Variants in CA4 observed in about 807,000 individuals in gnomAD.
The protein encoded by CA4 is CA-IV.
In CA4, 24 loss-of-function variants were observed where a neutral mutation model predicts 34.5. The observed-to-expected ratio is 0.70, with a 90% CI of 0.50 to 0.98. CA4 has a LOEUF of 0.98. CA4 is among the 50% of genes least tolerant of loss of function. CA4 has a pLI of 0.00. For synonymous variants in CA4, 178 were observed against 170.6 expected (o/e 1.04, Z -0.34); for missense variants, 394 against 396.7 (o/e 0.99, Z 0.06).
intron 6 of CA4, 67 bp downstream of exon 6, chr17:60,158,194 G>C: frequency 6.2e-7 from 1 of 1,605,646 alleles, no homozygotes; most frequent in African/African-American, 1.3e-5. Context: ...GGAAGGGGTG[G>C]GTGTGCGGGG....
chr17:60,175,516 C>T (rs748662854), downstream of CA4, among the ~76,000 whole-genome samples: 43 of 150,268 alleles, frequency 2.9e-4, no homozygotes, highest in Non-Finnish European at 6.1e-4. Flanking sequence ...CTGCAGTGAG[C>T]CATGATTACC....
rs563335203 is a variant in CA4 at position 60,156,575 on chromosome 17, G to T, written c.128G>T (p.Gly43Val). 2.3e-5 allele frequency: 37 copies of T among 1,614,220 alleles called. 2 individuals carry two copies. The South Asian group carries it at 3.5e-4, about 15-fold the overall frequency. ...NYPCLVPVKW[G>V]GNCQKDRQSP... ...CCCTGCTCAGTGCCAGTCAAGTGGG[G>T]TGGAAACTGCCAGAAGGACCGCCAG... The change falls in exon 3 of 8, where the codon GGT (glycine) becomes GTT (valine). Residue 43 changes from glycine (G) to valine (V), a missense_variant. Physicochemically the swap from Gly to Val is moderately radical, Grantham distance 109 (BLOSUM62 -3). Transcript: ENST00000300900.
At chr17:60,177,965 C>T in the CA4 span, among the ~76,000 whole-genome samples, 4 of 151,606 alleles carry the variant, frequency 2.6e-5, no homozygotes, top group East Asian at 1.9e-4. Context: ...AAAAACTACA[C>T]GAAAAAAATG....
At chr17:60,168,571 C>T (rs1211839784) in intron 5 of CA4, among the ~76,000 whole-genome samples, 18 of 123,882 alleles carry the variant, frequency 1.5e-4, no homozygotes, top group African/African-American at 3.1e-4. Flanking sequence ...TTTTTTTTTT[C>T]GGTGGGGAGG....
At position 60,156,321 on chromosome 17, in the gene CA4, C is replaced by G. The variant is rs73990657; in HGVS notation, c.113-239C>G. Among the ~76,000 whole-genome samples, 1,011 of 152,298 alleles carry G rather than the reference C, an allele frequency of 6.6e-3. 14 individuals are homozygous for G. The highest frequency in any genetic ancestry group is 0.023 in the African/African-American group (953 of 41,570). On this transcript the variant is annotated intron_variant, in intron 2 of 7. Coordinates refer to ENST00000300900, the MANE Select transcript of CA4 (RefSeq NM_000717.5). ...TTGGCAACCCTGTTCCCACCCTGTT[C>G]CACACTGGGGCTAGACTCCCCAGCC...
chr17:60,166,768 G>GT (rs2083859899), intron 5 of CA4, among the ~76,000 whole-genome samples: 1 of 152,056 alleles, frequency 6.6e-6, no homozygotes, highest in African/African-American at 2.4e-5. Context: ...GACCAGCCTG[G>GT]CCACATGGCG....
downstream of CA4, among the ~76,000 whole-genome samples, chr17:60,159,698 G>T (rs1245823800): frequency 1.3e-5 from 2 of 152,144 alleles, no homozygotes; most frequent in Non-Finnish European, 2.9e-5. Context: ...CGTTCTATGT[G>T]AATTCCGTGT....
In CA4 at chr17:60,158,295, C is replaced by T. The variant is rs766830149; in HGVS notation, c.593C>T (p.Thr198Met). The T allele has an allele frequency of 7.4e-6, 12 of 1,614,116 alleles. No individual in the cohort carries two copies. In the African/African-American group the frequency reaches 1.1e-4, roughly 14 times the overall value. ...SNIPKPEMST[T>M]MAESSLLDLL... Reference sequence around the variant, plus strand: ...GCCCCTATCTCAGAGATGAGCACTACGATGGCAGAGAGCAGCCTGTTGGAC... The same window carrying T: ...GCCCCTATCTCAGAGATGAGCACTATGATGGCAGAGAGCAGCCTGTTGGAC... The change falls in exon 7 of 8, where the codon ACG becomes ATG. Residue 198 changes from threonine (T) to methionine (M), a missense_variant. Coordinates refer to ENST00000300900, the MANE Select transcript of CA4 (RefSeq NM_000717.5).
At chr17:60,169,895 C>CT (rs534437193) in intron 5 of CA4, among the ~76,000 whole-genome samples, 46 of 152,322 alleles carry the variant, frequency 3.0e-4, no homozygotes, top group Non-Finnish European at 5.7e-4. Flanking sequence ...CTTTCTCTTT[C>CT]TTTTTTTCTG....
In CA4 at chr17:60,150,175, C is replaced by T. The variant is rs2083563665; in HGVS notation, c.58+83C>T. The T allele has an allele frequency of 1.4e-5, 17 of 1,187,754 alleles. No homozygotes were observed. The Admixed American group carries it at 2.0e-4, about 14-fold the overall frequency. 73.6% of individuals were successfully genotyped at this position (1,187,754 alleles called of 1,614,324 possible). On this transcript the variant is annotated intron_variant, in intron 1 of 7. Transcript: ENST00000300900. ...CTCCCGCCCCTGCAGAGGATCCCCC[C>T]GCGGGCGACCGGTGAGCGTCGGTGG...
Position 60,150,027 on chromosome 17 carries a change from C to T in CA4, c.-8C>T. On this transcript the variant is annotated 5_prime_UTR_variant, in exon 1 of 8. Coordinates refer to ENST00000300900, the MANE Select transcript of CA4 (RefSeq NM_000717.5). ...CCCGGCTCAGAGGACTCTTTGCTGT[C>T]CCGCAAGATGCGGATGCTGCTGGCG... is the stretch of plus-strand genomic sequence containing the variant. 6.2e-7 allele frequency: 1 copy of T among 1,602,136 alleles called. No homozygotes were observed. The highest frequency in any genetic ancestry group is 1.7e-5 in the Admixed American group (1 of 59,902).
At chr17:60,176,452 A>T in the CA4 span, among the ~76,000 whole-genome samples, 1 of 151,878 alleles carries the variant, frequency 6.6e-6, no homozygotes, top group Non-Finnish European at 1.5e-5. Context: ...TCTCCCAGAC[A>T]GACGACTAGG....
At chr17:60,163,193 G>A (rs779780950), downstream of CA4, among the ~76,000 whole-genome samples, 10 of 151,512 alleles carry the variant, frequency 6.6e-5, no homozygotes, top group Non-Finnish European at 8.8e-5. Flanking sequence ...GCCCAGAGTC[G>A]TGGGGGCTGT....
intron 1 of CA4, among the ~76,000 whole-genome samples, chr17:60,154,336 C>G (rs1413063432): frequency 6.6e-6 from 1 of 152,032 alleles, no homozygotes; most frequent in Non-Finnish European, 1.5e-5. Flanking sequence ...CCCCAAGGCC[C>G]TATGAGGTGG....
downstream of CA4, chr17:60,159,689 G>T: frequency 1.7e-6 from 1 of 585,006 alleles, no homozygotes; most frequent in Non-Finnish European, 3.1e-6. Context: ...CCCCACTCCC[G>T]TTCTATGTGA....
chr17:60,158,183 A>G, intron 6 of CA4, 56 bp downstream of exon 6: 1 of 1,587,304 alleles, frequency 6.3e-7, no homozygotes, highest in Non-Finnish European at 8.7e-7. Flanking sequence ...CCTCCCACAA[A>G]GGAAGGGGTG....
At chr17:60,169,931 C>T (rs2083897799) in intron 5 of CA4, among the ~76,000 whole-genome samples, 1 of 152,168 alleles carries the variant, frequency 6.6e-6, no homozygotes, top group African/African-American at 2.4e-5. Flanking sequence ...TGGATTGAGG[C>T]CTAACATTTC....
intron 1 of CA4, among the ~76,000 whole-genome samples, chr17:60,154,255 T>TG (rs1349472551): frequency 2.2e-4 from 6 of 26,722 alleles, no homozygotes; most frequent in African/African-American, 4.4e-4. Context: ...GTGGGAGGGG[T>TG]GGGGGGGAGG....
At chr17:60,171,876 C>T (rs1444750385), downstream of CA4, among the ~76,000 whole-genome samples, 2 of 152,184 alleles carry the variant, frequency 1.3e-5, no homozygotes, top group African/African-American at 2.4e-5. Context: ...GGAACCGAGG[C>T]GCGGACAAGG....
Sources: gnomAD v4.1 joint callset for allele counts (sites outside exome capture counted in the v4.1 genomes callset) on GRCh38, gnomAD v4.1.1 for gene constraint, MANE v1.5 for transcripts, NCBI Gene and HGNC (gene_info 2026-07-23, HGNC 2026-07-21) for gene names.